The following CNOT4 variants were observed in gnomAD, a reference collection of about 807,000 sequenced individuals.
CNOT4 encodes CCR4-associated factor 4.
CNOT4 carries 8 observed loss-of-function variants against 73.8 expected under a neutral mutation model. That is an observed-to-expected ratio of 0.11 (90% CI 0.06 to 0.20). CNOT4 has a LOEUF of 0.20. CNOT4 is among the 10% of genes least tolerant of loss of function. The probability of loss-of-function intolerance (pLI) is 1.00; values close to 1 mark genes in which losing one functional copy is unlikely to be tolerated. For synonymous variants in CNOT4, 293 were observed against 321.1 expected, an observed-to-expected ratio of 0.91 and a Z score of 0.94; for missense variants, 564 against 883.4, an observed-to-expected ratio of 0.64 and a Z score of 4.58.
chr7:135,415,197 G>T lies in CNOT4; in HGVS notation c.438C>A (p.Ser146Arg). Residue 146 changes from serine to arginine, a missense_variant, in exon 4 of 12, where the codon AGC becomes AGA. Physicochemically the swap from Ser to Arg is moderately radical, Grantham distance 110. Around this residue, in one of 10 missense-constraint regions of CNOT4, gnomAD observed 76 missense variants for 208.7 expected, o/e 0.36. Coordinates refer to ENST00000541284, the MANE Select transcript of CNOT4 (RefSeq NM_001190850.2). ...GKIHKVVINN[S>R]TSYAGSQGPS... ...TTACCTGTGAGCCTGCATATGATGT[G>T]CTATTATTGATGACAACTTTATGTA... is the stretch of plus-strand genomic sequence containing the variant. 6.2e-7 allele frequency: 1 copy of T among 1,602,198 alleles called. No individual in the cohort carries two copies. Among genetic ancestry groups the T allele is most frequent in the Non-Finnish European group, 8.5e-7 (1 of 1,169,616 alleles).
chr7:135,438,341 T>C lies in CNOT4; in HGVS notation c.-10A>G, dbSNP rs1799280014. ...CAGGACTGCGAGACATCTTCACGTT[T>C]ATTAAACAGCAGCAAAAGTTTATAA... is the stretch of plus-strand genomic sequence containing the variant. On this transcript the variant is annotated 5_prime_UTR_variant, in exon 2 of 12. The change creates a new upstream start codon in the 5' untranslated region. Coordinates refer to ENST00000541284, the MANE Select transcript of CNOT4 (RefSeq NM_001190850.2). The C allele has an allele frequency of 1.3e-6, 2 of 1,580,358 alleles. No individual in the cohort carries two copies. The highest frequency in any genetic ancestry group is 4.5e-5 in the East Asian group (2 of 44,112).
chr7:135,504,683 T>C (rs1318266928), intron 1 of CNOT4, among the ~76,000 whole-genome samples: 2 of 119,812 alleles, frequency 1.7e-5, no homozygotes, highest in East Asian at 4.5e-4. Context: ...AGACGGGGTT[T>C]CACCGTTTTA....
At chr7:135,433,111 T>C (rs1798943693) in intron 2 of CNOT4, among the ~76,000 whole-genome samples, 1 of 152,206 alleles carries the variant, frequency 6.6e-6, no homozygotes, top group Non-Finnish European at 1.5e-5. Context: ...GATCTCGTCC[T>C]AGAGTACTGA....
chr7:135,428,376 C>T (rs1206184205), intron 2 of CNOT4, among the ~76,000 whole-genome samples: 1 of 152,094 alleles, frequency 6.6e-6, no homozygotes, highest in African/African-American at 2.4e-5. Context: ...CAACAATAAG[C>T]AGAAATATAG....
intron 7 of CNOT4, among the ~76,000 whole-genome samples, chr7:135,399,114 G>T (rs371124154): frequency 6.6e-6 from 1 of 151,984 alleles, no homozygotes; most frequent in Non-Finnish European, 1.5e-5. Flanking sequence ...TATAAGCACT[G>T]CAACAGTGTA....
intron 3 of CNOT4, among the ~76,000 whole-genome samples, chr7:135,418,986 C>T (rs1798026413): frequency 2.6e-5 from 4 of 152,098 alleles, no homozygotes; most frequent in Admixed American, 6.6e-5. Flanking sequence ...CCCCCCTACC[C>T]GCCCCCTGGC....
chr7:135,475,967 T>G (rs1343523627), intron 1 of CNOT4, among the ~76,000 whole-genome samples: 1 of 152,084 alleles, frequency 6.6e-6, no homozygotes, highest in Non-Finnish European at 1.5e-5. Flanking sequence ...AGTTTAAAGT[T>G]GCTATGTAGA....
At chr7:135,493,857 C>T (rs570825105) in intron 1 of CNOT4, among the ~76,000 whole-genome samples, 1 of 152,108 alleles carries the variant, frequency 6.6e-6, no homozygotes, top group Non-Finnish European at 1.5e-5. Flanking sequence ...AACTGTAATG[C>T]ACTTGTAAGG....
intron 1 of CNOT4, among the ~76,000 whole-genome samples, chr7:135,485,264 C>T (rs961375899): frequency 2.6e-5 from 4 of 152,014 alleles, no homozygotes; most frequent in Non-Finnish European, 4.4e-5. Context: ...TAGAGACGGG[C>T]TTTCACCATG....
chr7:135,481,327 A>G (rs1274709286), intron 1 of CNOT4, among the ~76,000 whole-genome samples: 3 of 152,162 alleles, frequency 2.0e-5, no homozygotes. Context: ...CAAGTATATG[A>G]AAAAAATGTT....
chr7:135,474,411 A>G (rs1801856544), intron 1 of CNOT4, among the ~76,000 whole-genome samples: 1 of 151,242 alleles, frequency 6.6e-6, no homozygotes, highest in South Asian at 2.1e-4. Flanking sequence ...CAGCCTCCCA[A>G]GTAGCTAGAA....
chr7:135,388,117 G>C, intron 10 of CNOT4: 4 of 984,498 alleles, frequency 4.1e-6, no homozygotes, highest in Non-Finnish European at 4.8e-6. Flanking sequence ...CAGTGCATTA[G>C]AAAAGAGATT....
At chr7:135,486,460 G>A (rs1348175853) in intron 1 of CNOT4, among the ~76,000 whole-genome samples, 2 of 152,166 alleles carry the variant, frequency 1.3e-5, no homozygotes, top group East Asian at 3.8e-4. Context: ...TTATGAGAAT[G>A]CAAAATTGTA....
intron 1 of CNOT4, among the ~76,000 whole-genome samples, chr7:135,462,789 G>A (rs537727652): frequency 5.9e-5 from 9 of 152,056 alleles, no homozygotes; most frequent in Non-Finnish European, 1.2e-4. Context: ...CCTGAGCTTC[G>A]GTCAGTAAAA....
At position 135,494,139 on chromosome 7, in the gene CNOT4, T is replaced by C. The variant is rs557153774; in HGVS notation, c.-93+15750A>G. ...GTCTTTGAGAAGGTAAAGTCCTATA[T>C]AGTGTCCATCAATCTGATAACTGGC... On this transcript the variant is annotated intron_variant, in intron 1 of 11. Coordinates refer to ENST00000541284, the MANE Select transcript of CNOT4 (RefSeq NM_001190850.2). 6.0e-5 allele frequency among the ~76,000 whole-genome samples: 9 copies of C among 149,906 alleles called. No homozygotes were observed. The East Asian group carries it at 1.4e-3, about 23-fold the overall frequency.
In CNOT4 at chr7:135,444,649, G is replaced by C. The variant is rs1479867034; in HGVS notation, c.-92-6226C>G. ...GGTTCCAAGGCTGCATCTCTCCACT[G>C]GACTAGCAAGAAGGTTTTCAGTGTT... On this transcript the variant is annotated intron_variant, in intron 1 of 11. Transcript: ENST00000541284. The C allele has an allele frequency of 3.5e-6, 4 of 1,156,548 alleles. No homozygotes were observed. In the African/African-American group the frequency reaches 6.1e-5, roughly 18 times the overall value. The allele number at this position is 1,156,548 out of a possible 1,614,324, so 71.6% of individuals were successfully genotyped here.
chr7:135,443,267 AT>A (rs567394195), intron 1 of CNOT4, among the ~76,000 whole-genome samples: 74 of 150,974 alleles, frequency 4.9e-4, no homozygotes, highest in African/African-American at 1.7e-3. Flanking sequence ...GGGTGGGAAG[AT>A]TGCTGGAGTC....
intron 7 of CNOT4, among the ~76,000 whole-genome samples, chr7:135,399,410 T>A (rs1175693190): frequency 2.0e-5 from 3 of 152,016 alleles, no homozygotes; most frequent in Admixed American, 1.3e-4. Flanking sequence ...TCTAAATATA[T>A]CTAAAAATAG....
chr7:135,510,026 T>TGA lies in CNOT4; in HGVS notation c.-232_-231dup, dbSNP rs556561993. ...CTTCAGCGAGTCCGACCTTTACGGCTGAGAGAGAGACTCTCAGCTTTCGGT... is the reference window on the plus strand; with the variant it reads ...CTTCAGCGAGTCCGACCTTTACGGCTGAGAGAGAGAGACTCTCAGCTTTCGGT... On this transcript the variant is annotated 5_prime_UTR_variant, in exon 1 of 12. Coordinates refer to ENST00000541284, the MANE Select transcript of CNOT4 (RefSeq NM_001190850.2). The TGA allele has an allele frequency of 1.8e-4, 73 of 399,120 alleles. No homozygotes were observed. The Middle Eastern group carries it at 1.9e-3, about 10-fold the overall frequency. The allele number at this position is 399,120 out of a possible 1,614,324, so 24.7% of individuals were successfully genotyped here. A position where few individuals can be genotyped will look rare whatever the true frequency, so the allele number is the denominator to read the frequency against.
Sources: allele counts gnomAD v4.1 joint callset (sites outside exome capture counted in the v4.1 genomes callset), GRCh38; gene constraint gnomAD v4.1.1; regional missense constraint gnomAD v4.1.1; transcripts MANE v1.5; gene names NCBI Gene and HGNC (gene_info 2026-07-23, HGNC 2026-07-21).